Variants in LMO7 observed in about 807,000 individuals in gnomAD.
LMO7 encodes LIM domain 7.
Under a neutral mutation model 206.5 loss-of-function variants are expected in LMO7, and 120 were observed. The ratio of observed to expected loss-of-function variants is 0.58; its 90% confidence interval spans 0.50 to 0.68. The LOEUF is 0.68. Ranked by LOEUF, LMO7 falls within the 30% of genes least tolerant of loss-of-function variation. The pLI, the probability that LMO7 is intolerant of heterozygous loss-of-function variation, is 0.00. For missense variants in LMO7, 1,959 were observed against 1,957.9 expected (o/e 1.00, Z -0.01); for synonymous variants, 706 against 681.5 (o/e 1.04, Z -0.56).
chr13:75,691,967 T>C (rs1201478865), intron 1 of LMO7, among the ~76,000 whole-genome samples: 1 of 152,174 alleles, frequency 6.6e-6, no homozygotes, highest in African/African-American at 2.4e-5. Flanking sequence ...ACCACTTTCT[T>C]TGATGTCTTA....
intron 26 of LMO7, among the ~76,000 whole-genome samples, chr13:75,846,330 G>A (rs746615672): frequency 1.3e-5 from 2 of 152,008 alleles, no homozygotes; most frequent in Non-Finnish European, 2.9e-5. Flanking sequence ...TTGTTATCTG[G>A]TTCTAGTTTA....
intron 3 of LMO7, among the ~76,000 whole-genome samples, chr13:75,727,760 T>C (rs559460282): frequency 1.3e-5 from 2 of 151,498 alleles, no homozygotes; most frequent in African/African-American, 4.8e-5. Context: ...TATCTCCTAA[T>C]GCTATCCCTC....
At chr13:75,760,312 AG>A in intron 3 of LMO7, 1 of 972,996 alleles carries the variant, frequency 1.0e-6, no homozygotes, top group Non-Finnish European at 1.2e-6. Flanking sequence ...GCAGGGAGTG[AG>A]TAATGTGCCA....
At chr13:75,852,432 C>G (rs1177145994) in intron 27 of LMO7, among the ~76,000 whole-genome samples, 1 of 152,116 alleles carries the variant, frequency 6.6e-6, no homozygotes, top group Non-Finnish European at 1.5e-5. Context: ...ACCAAACCAC[C>G]ATGACATTCA....
intron 1 of LMO7, among the ~76,000 whole-genome samples, chr13:75,663,432 C>CTTTCTTTCTTTCTTTTTT (rs1555289857): frequency 2.8e-4 from 31 of 111,390 alleles, no homozygotes; most frequent in African/African-American, 1.1e-3. Flanking sequence ...TTCTTTCTTT[C>CTTTCTTTCTTTCTTTTTT]TTTTTTTTTT....
intron 1 of LMO7, among the ~76,000 whole-genome samples, chr13:75,655,906 G>A (rs1566279716): frequency 3.3e-5 from 5 of 152,000 alleles, no homozygotes; most frequent in Admixed American, 1.3e-4. Context: ...TTTCTGGGCT[G>A]CCTTGTGTAA....
chr13:75,794,786 G>A (rs1158512917), intron 4 of LMO7, among the ~76,000 whole-genome samples: 1 of 151,980 alleles, frequency 6.6e-6, no homozygotes, highest in Non-Finnish European at 1.5e-5. Context: ...TCATATGTGA[G>A]CAAAAAACCC....
chr13:75,840,287 C>A, intron 21 of LMO7, 104 bp from the exon 22 acceptor site: 2 of 1,421,780 alleles, frequency 1.4e-6, no homozygotes, highest in Non-Finnish European at 2.0e-6. Flanking sequence ...ACAGTTTAAG[C>A]AAACTGTGAT....
intron 4 of LMO7, among the ~76,000 whole-genome samples, chr13:75,779,562 C>T (rs2051006032): frequency 1.3e-5 from 2 of 152,200 alleles, no homozygotes; most frequent in East Asian, 1.9e-4. Flanking sequence ...ACTTCTTTCT[C>T]AATGATTTAT....
At chr13:75,747,373 C>T (rs2046932428) in intron 3 of LMO7, among the ~76,000 whole-genome samples, 1 of 152,198 alleles carries the variant, frequency 6.6e-6, no homozygotes, top group African/African-American at 2.4e-5. Context: ...GTTGGTGTCA[C>T]TAGGCTATTG....
rs180754517 is a variant in LMO7 at position 75,688,980 on chromosome 13, G to A, written c.70-24202G>A. ...GTTTTATGTTTGGAATGTTTTTAATGCAATTCTTGAAATTTATTCTACATA... is the reference window on the plus strand; with the variant it reads ...GTTTTATGTTTGGAATGTTTTTAATACAATTCTTGAAATTTATTCTACATA... On this transcript the variant is annotated intron_variant, in intron 1 of 30. Transcript: ENST00000377534. The A allele has an allele frequency of 5.9e-5, 9 of 152,116 alleles. No homozygotes were observed. The East Asian group carries it at 1.7e-3, about 29-fold the overall frequency. The allele number at this position is 152,116 out of a possible 1,614,324, so 9.4% of individuals were successfully genotyped here. A position where few individuals can be genotyped will look rare whatever the true frequency, so the allele number is the denominator to read the frequency against.
At chr13:75,735,937 G>T (rs560618918) in intron 3 of LMO7, among the ~76,000 whole-genome samples, 1 of 151,892 alleles carries the variant, frequency 6.6e-6, no homozygotes, top group Admixed American at 6.6e-5. Flanking sequence ...ATTTAAAATT[G>T]TCATTTCTTG....
chr13:75,773,910 G>A (rs542847775), intron 4 of LMO7, among the ~76,000 whole-genome samples: 231 of 152,162 alleles, frequency 1.5e-3, no homozygotes, highest in African/African-American at 5.2e-3. Context: ...TTAAAAATGA[G>A]CACTTCCTGG....
At chr13:75,792,671 CT>C (rs2053467367) in intron 4 of LMO7, among the ~76,000 whole-genome samples, 1 of 152,142 alleles carries the variant, frequency 6.6e-6, no homozygotes, top group Admixed American at 6.5e-5. Flanking sequence ...AAAGGAGCTG[CT>C]TGGTTACCGA....
At chr13:75,726,532 A>G (rs1157302670) in intron 2 of LMO7, among the ~76,000 whole-genome samples, 2 of 152,046 alleles carry the variant, frequency 1.3e-5, no homozygotes, top group Admixed American at 6.6e-5. Flanking sequence ...ATGAGTTACC[A>G]ATAAAAACTA....
chr13:75,698,186 A>T (rs1327426184), intron 1 of LMO7, among the ~76,000 whole-genome samples: 1 of 152,218 alleles, frequency 6.6e-6, no homozygotes, highest in Non-Finnish European at 1.5e-5. Flanking sequence ...AGGAGGAAAT[A>T]TCAGAATTTC....
chr13:75,789,558 C>G (rs2052955509), intron 4 of LMO7, among the ~76,000 whole-genome samples: 1 of 152,132 alleles, frequency 6.6e-6, no homozygotes, highest in African/African-American at 2.4e-5. Flanking sequence ...TTTGATAGCT[C>G]ATATATGAAC....
intron 6 of LMO7, among the ~76,000 whole-genome samples, chr13:75,799,570 A>G (rs910793967): frequency 2.0e-5 from 3 of 152,162 alleles, no homozygotes; most frequent in Non-Finnish European, 2.9e-5. Context: ...TGACATTAAA[A>G]CTTTCATGCT....
intron 3 of LMO7, among the ~76,000 whole-genome samples, chr13:75,735,843 TATATA>T (rs1211485948): frequency 6.6e-6 from 1 of 151,896 alleles, no homozygotes; most frequent in Non-Finnish European, 1.5e-5. Flanking sequence ...AACTTATTAT[TATATA>T]ATATACTTTT....
Sources: gnomAD v4.1 joint callset for allele counts (sites outside exome capture counted in the v4.1 genomes callset) on GRCh38, gnomAD v4.1.1 for gene constraint, MANE v1.5 for transcripts, NCBI Gene and HGNC (gene_info 2026-07-23, HGNC 2026-07-21) for gene names.